Variants in DUS3L observed in about 807,000 individuals in gnomAD.
DUS3L encodes the protein tRNA-dihydrouridine(47) synthase [NAD(P)(+)]-like.
A neutral mutation model predicts 74.6 loss-of-function variants in DUS3L; 62 were observed. The ratio of observed to expected loss-of-function variants is 0.83; its 90% confidence interval spans 0.68 to 1.03. The LOEUF is 1.03. Among genes scored for constraint, DUS3L ranks in the 50% least tolerant of loss-of-function variants. DUS3L has a pLI of 0.00. For synonymous variants in DUS3L, 433 were observed against 395.7 expected (o/e 1.09, Z -1.12); for missense variants, 884 against 924.4 (o/e 0.96, Z 0.57).
In DUS3L at chr19:5,786,964, T is replaced by C. The variant is rs376726811; in HGVS notation, c.1389+97A>G. 1.1e-3 allele frequency: 1,557 copies of C among 1,481,614 alleles called. 34 individuals carry two copies. The East Asian group carries it at 0.035, about 34-fold the overall frequency. The allele number at this position is 1,481,614 out of a possible 1,614,324, so 91.8% of individuals were successfully genotyped here. On this transcript the variant is annotated intron_variant, in intron 8 of 12. Transcript: ENST00000309061. Reference sequence around the variant, plus strand: ...ACACAGGCGGAGACAGAGGGAGGTGTGGAGGTGAAGAGGGAGGGATGGGAG... The same window carrying C: ...ACACAGGCGGAGACAGAGGGAGGTGCGGAGGTGAAGAGGGAGGGATGGGAG...
In DUS3L at chr19:5,790,083, G is replaced by C; in HGVS notation, c.351C>G (p.Asn117Lys). 1 of 1,614,174 alleles carries C rather than the reference G, an allele frequency of 6.2e-7. No homozygotes were observed. The highest frequency in any genetic ancestry group is 8.5e-7 in the Non-Finnish European group (1 of 1,180,042). Residue 117 changes from asparagine to lysine, a missense_variant, in exon 2 of 13, where the codon AAC becomes AAG. Physicochemically the swap from Asn to Lys is moderately conservative, Grantham distance 94 (BLOSUM62 0). Transcript: ENST00000309061. Reference sequence around the variant, plus strand: ...AGGGACACAGCCTGTTCTTGTCGTAGTTCGTGGGCTTCACATGGGGCCGGC... The same window carrying C: ...AGGGACACAGCCTGTTCTTGTCGTACTTCGTGGGCTTCACATGGGGCCGGC... ...NKGRPHVKPT[N>K]YDKNRLCPSL...
Position 5,790,042 on chromosome 19 carries a change from C to T in DUS3L, c.387+5G>A, listed in dbSNP as rs1464522770. ...CGGCAGGAATGCTCACGTGGCCGCA[C>T]TTGCCTGGATTAGGGAGGGACACAG... On this transcript the variant is annotated splice_donor_5th_base_variant and intron_variant, in intron 2 of 12. Coordinates refer to ENST00000309061, the MANE Select transcript of DUS3L (RefSeq NM_020175.3). The T allele has an allele frequency of 2.5e-6, 4 of 1,611,448 alleles. No homozygotes were observed. The highest frequency in any genetic ancestry group is 2.7e-5 in the African/African-American group (2 of 75,004).
chr19:5,785,562 C>T (rs760790226), intron 11 of DUS3L, 41 bp downstream of exon 11: 32 of 1,567,926 alleles, frequency 2.0e-5, no homozygotes, highest in South Asian at 2.4e-5. Context: ...TAACCAGCCG[C>T]GGCCCACGCG....
rs758618210 is a variant in DUS3L at position 5,789,728 on chromosome 19, A to C, written c.388-9T>G. On this transcript the variant is annotated splice_polypyrimidine_tract_variant and intron_variant, in intron 2 of 12. Transcript: ENST00000309061. ...CACTTAGCAGCCGACTCCTGCGAGG[A>C]AACAGGGAAGCAGTGAGGGAGGACA... 10 of 1,593,090 alleles carry C rather than the reference A, an allele frequency of 6.3e-6. No individual in the cohort carries two copies. Among genetic ancestry groups the C allele is most frequent in the Non-Finnish European group, 8.5e-6 (10 of 1,170,928 alleles).
Position 5,789,672 on chromosome 19 carries a change from G to C in DUS3L, c.435C>G (p.His145Gln). 1 of 1,609,440 alleles carries C rather than the reference G, an allele frequency of 6.2e-7. No individual in the cohort carries two copies. The highest frequency in any genetic ancestry group is 8.5e-7 in the Non-Finnish European group (1 of 1,178,728). The change falls in exon 3 of 13, where the codon CAC (histidine) becomes CAG (glutamine). Residue 145 changes from histidine to glutamine, a missense_variant. By Grantham distance (24) the His-to-Gln change is conservative. Coordinates refer to ENST00000309061, the MANE Select transcript of DUS3L (RefSeq NM_020175.3). ...CFFGDRCRFLHDVGRYLETKP... is the reference protein window; with the variant it reads ...CFFGDRCRFLQDVGRYLETKP... ...TGGTCTCCAGGTAGCGCCCCACGTCGTGCAGAAAGCGGCAGCGATCACCGA... is the reference window on the plus strand; with the variant it reads ...TGGTCTCCAGGTAGCGCCCCACGTCCTGCAGAAAGCGGCAGCGATCACCGA...
intron 7 of DUS3L, 52 bp from the exon 8 acceptor site, chr19:5,787,223 C>CGTGGGAGGT: frequency 3.9e-6 from 1 of 257,922 alleles, no homozygotes; most frequent in Non-Finnish European, 5.8e-6. Context: ...TGGTGGGAGA[C>CGTGGGAGGT]GGTGGGAGGT....
intron 10 of DUS3L, chr19:5,786,094 G>A (rs997713550): frequency 4.1e-6 from 2 of 485,010 alleles, no homozygotes; most frequent in Middle Eastern, 5.4e-4. Context: ...TGGGATTACA[G>A]GCGTGTACCA....
intron 10 of DUS3L, among the ~76,000 whole-genome samples, 172 bp downstream of exon 10, chr19:5,786,295 C>T (rs951987295): frequency 6.6e-6 from 1 of 152,174 alleles, no homozygotes; most frequent in African/African-American, 2.4e-5. Flanking sequence ...ACAGCAGCAG[C>T]AATTTCCAGT....
chr19:5,789,990 G>A, intron 2 of DUS3L, 57 bp downstream of exon 2: 2 of 1,597,842 alleles, frequency 1.3e-6, no homozygotes, highest in Admixed American at 3.4e-5. Flanking sequence ...CCCGCTGCCA[G>A]GAAACACACC....
In DUS3L at chr19:5,788,401, G is replaced by A. The variant is rs2056876357; in HGVS notation, c.901-3C>T. On this transcript the variant is annotated splice_polypyrimidine_tract_variant and splice_region_variant and intron_variant, in intron 3 of 12. Transcript: ENST00000309061. ...TAAAGTTTGCCACGGATGTCCAGCT[G>A]GAGGGAAAAAAATACACACAAGTGG... 1 of 1,612,736 alleles carries A rather than the reference G, an allele frequency of 6.2e-7. No individual in the cohort carries two copies. The highest frequency in any genetic ancestry group is 1.1e-5 in the South Asian group (1 of 90,922).
rs2056894768 is a variant in DUS3L, at chr19:5,790,092, C to T, written c.342G>A (p.Lys114=). ...GCCTGTTCTTGTCGTAGTTCGTGGG[C>T]TTCACATGGGGCCGGCCCTTGTTTT... ...RGQNKGRPHV[K]PTNYDKNRLC... Residue 114 remains lysine, a synonymous_variant, in exon 2 of 13, where the codon AAG becomes AAA. Coordinates refer to ENST00000309061, the MANE Select transcript of DUS3L (RefSeq NM_020175.3). The T allele has an allele frequency of 1.2e-6, 2 of 1,614,046 alleles. No individual in the cohort carries two copies. Among genetic ancestry groups the T allele is most frequent in the Admixed American group, 1.7e-5 (1 of 59,998 alleles).
At chr19:5,786,369 A>G (rs991922969) in intron 10 of DUS3L, 98 bp downstream of exon 10, 1 of 1,235,016 alleles carries the variant, frequency 8.1e-7, no homozygotes, top group African/African-American at 1.5e-5. Context: ...TCTTGGGACC[A>G]ACAGCCCACC....
At chr19:5,788,835 T>C (rs2056880603) in intron 3 of DUS3L, among the ~76,000 whole-genome samples, 1 of 151,834 alleles carries the variant, frequency 6.6e-6, no homozygotes. Flanking sequence ...GCCTCCTGAG[T>C]GGCTGGAATT....
At position 5,787,071 on chromosome 19, in the gene DUS3L, G is replaced by A. The variant is rs1341016869; in HGVS notation, c.1379C>T (p.Ala460Val). 3 of 1,550,408 alleles carry A rather than the reference G, an allele frequency of 1.9e-6. No individual in the cohort carries two copies. In the East Asian group the frequency reaches 7.1e-5, roughly 37 times the overall value. ...CGTCCCAAGACCCACCGTGACGAGT[G>A]CCACGCCCCAGTCCCGCAGCTCGGG... ...LLPELRDWGV[A>V]LVTLHGRSRE... is the part of the protein sequence containing the mutation. Residue 460 changes from alanine to valine, a missense_variant, in exon 8 of 13, where the codon GCA (alanine) becomes GTA (valine). Coordinates refer to ENST00000309061, the MANE Select transcript of DUS3L (RefSeq NM_020175.3).
chr19:5,788,014 G>A lies in DUS3L; in HGVS notation c.1095+10C>T, dbSNP rs370847997. 34 of 1,611,758 alleles carry A rather than the reference G, an allele frequency of 2.1e-5. No individual in the cohort carries two copies. The highest frequency in any genetic ancestry group is 1.1e-4 in the African/African-American group (8 of 74,914). ...CCCTCCACTCTCCCTCCCTCGGGGT[G>A]GGCACTGACCTGGACGCCAAAGATG... is the stretch of plus-strand genomic sequence containing the variant. On this transcript the variant is annotated intron_variant, in intron 5 of 12. Transcript: ENST00000309061.
At chr19:5,787,399 G>T in intron 6 of DUS3L, 38 bp from the exon 7 acceptor site, 1 of 1,605,762 alleles carries the variant, frequency 6.2e-7, no homozygotes, top group Non-Finnish European at 8.5e-7. Context: ...GGCAGGACGT[G>T]GGCTGACCCA....
intron 5 of DUS3L, 133 bp from the exon 6 acceptor site, chr19:5,787,838 G>T: frequency 7.0e-7 from 1 of 1,429,710 alleles, no homozygotes; most frequent in Non-Finnish European, 9.6e-7. Context: ...AGGAGCCAAG[G>T]TCTGTCTGCG....
chr19:5,790,776 T>C (rs1315405090), intron 1 of DUS3L: 2 of 583,996 alleles, frequency 3.4e-6, no homozygotes, highest in East Asian at 2.9e-5. Context: ...ATGCAGGGAC[T>C]ACAATCCCCA....
At chr19:5,786,928 G>C (rs1163399420) in intron 8 of DUS3L, 83 bp from the exon 9 acceptor site, 2 of 1,504,182 alleles carry the variant, frequency 1.3e-6, no homozygotes, top group South Asian at 1.3e-5. Context: ...GGCTGAGAGA[G>C]ACAGAGAGAG....
Sources: allele counts gnomAD v4.1 joint callset (sites outside exome capture counted in the v4.1 genomes callset), GRCh38; gene constraint gnomAD v4.1.1; transcripts MANE v1.5; gene names NCBI Gene and HGNC (gene_info 2026-07-23, HGNC 2026-07-21).